The following TNRC6C variants were observed in gnomAD, a reference collection of about 807,000 sequenced individuals.
The protein encoded by TNRC6C is trinucleotide repeat containing adaptor 6C, also known as trinucleotide repeat-containing gene 6C protein.
In TNRC6C, 20 loss-of-function variants were observed where a neutral mutation model predicts 153.7. That is an observed-to-expected ratio of 0.13 (90% confidence interval 0.09 to 0.19). The LOEUF is 0.19. Among genes scored for constraint, TNRC6C ranks in the 10% least tolerant of loss-of-function variants. The pLI, the probability that TNRC6C is intolerant of heterozygous loss-of-function variation, is 1.00. For missense variants in TNRC6C, 1,987 were observed against 2,172.0 expected (o/e 0.91, Z 1.69); for synonymous variants, 811 against 841.4 (o/e 0.96, Z 0.63).
chr17:78,051,416 C>G lies in TNRC6C; in HGVS notation c.2354C>G (p.Thr785Ser), dbSNP rs1463741357. ...ACGCCGCCCCCGCACCAGGCCGGTA[C>G]TCAGCTGAATCGATCACCGTTGCTT... Residue 785 changes from threonine to serine, a missense_variant, in exon 3 of 20, where the codon ACT becomes AGT. Around this residue, in one of 4 missense-constraint regions of TNRC6C, gnomAD observed 1,052 missense variants for 1,017.0 expected, o/e 1.03. Transcript: ENST00000301624. The G allele has an allele frequency of 1.9e-6, 3 of 1,544,800 alleles. No homozygotes were observed. In the Admixed American group the frequency reaches 6.0e-5, roughly 31 times the overall value.
At chr17:78,092,468 ATT>A (rs2073410555) in intron 14 of TNRC6C, among the ~76,000 whole-genome samples, 1 of 152,224 alleles carries the variant, frequency 6.6e-6, no homozygotes, top group Non-Finnish European at 1.5e-5. Flanking sequence ...CCCCAAAAAG[ATT>A]TATTAAGGGC....
intron 1 of TNRC6C, among the ~76,000 whole-genome samples, chr17:78,016,192 C>T (rs1005319705): frequency 2.0e-5 from 3 of 152,282 alleles, no homozygotes; most frequent in Admixed American, 6.5e-5. Flanking sequence ...GTGCCACTGC[C>T]GCAGACCAGG....
At chr17:78,098,029 G>A (rs532227002) in intron 16 of TNRC6C, among the ~76,000 whole-genome samples, 168 bp downstream of exon 19, 8 of 152,338 alleles carry the variant, frequency 5.3e-5, no homozygotes, top group South Asian at 2.1e-4. Flanking sequence ...CAGTGGGCAC[G>A]CTGGGCACAT....
At chr17:78,051,725 T>C (rs895423615) in intron 3 of TNRC6C, among the ~76,000 whole-genome samples, 8 of 150,934 alleles carry the variant, frequency 5.3e-5, no homozygotes, top group Non-Finnish European at 8.9e-5. Flanking sequence ...TGGCCTGGGG[T>C]GGAGATGATG....
At position 77,959,886 on chromosome 17, in the gene TNRC6C, C is replaced by G. The variant is rs546313681; in HGVS notation, c.-38+618C>G. On this transcript the variant is annotated intron_variant, in intron 1 of 22. Coordinates refer to the TNRC6C transcript ENST00000636222. ...GCTTTAAGCGGTGCCTCCTTTGCACCTTTACCTTGAGGACGAGATTTAATT... is the reference window on the plus strand; with the variant it reads ...GCTTTAAGCGGTGCCTCCTTTGCACGTTTACCTTGAGGACGAGATTTAATT... Among the ~76,000 whole-genome samples, 316 of 152,290 alleles carry G rather than the reference C, an allele frequency of 2.1e-3. 4 individuals are homozygous for G. Among genetic ancestry groups the G allele is most frequent in the African/African-American group, 6.9e-3 (288 of 41,544 alleles).
intron 1 of TNRC6C, among the ~76,000 whole-genome samples, chr17:77,997,663 T>A (rs2071348972): frequency 6.6e-6 from 1 of 152,038 alleles, no homozygotes; most frequent in Non-Finnish European, 1.5e-5. Flanking sequence ...TGTTTTTTTT[T>A]TTTATTTTTT....
exon 20 of TNRC6C, chr17:78,106,077 T>C (rs1189555543): frequency 6.6e-6 from 1 of 151,688 alleles, no homozygotes; most frequent in Non-Finnish European, 1.5e-5. Flanking sequence ...AAACTGTTGT[T>C]GAACTGTGGC....
At chr17:78,020,965 C>G (rs2071820905) in intron 1 of TNRC6C, among the ~76,000 whole-genome samples, 1 of 152,204 alleles carries the variant, frequency 6.6e-6, no homozygotes, top group Non-Finnish European at 1.5e-5. Context: ...CTTTATTTCC[C>G]CAGTTCATTG....
intron 1 of TNRC6C, among the ~76,000 whole-genome samples, chr17:77,981,832 A>G (rs1430727871): frequency 6.6e-6 from 1 of 152,240 alleles, no homozygotes; most frequent in African/African-American, 2.4e-5. Flanking sequence ...AGTAGCTGCT[A>G]CAGAGACATT....
intron 3 of TNRC6C, among the ~76,000 whole-genome samples, chr17:78,053,446 A>G (rs1469289003): frequency 6.6e-6 from 1 of 152,060 alleles, no homozygotes; most frequent in South Asian, 2.1e-4. Context: ...CCTGACCAAC[A>G]AGGTGAAACC....
intron 3 of TNRC6C, among the ~76,000 whole-genome samples, chr17:78,053,859 C>T (rs948712510): frequency 2.6e-5 from 4 of 152,160 alleles, no homozygotes; most frequent in African/African-American, 7.2e-5. Context: ...TAACGAGACC[C>T]CATTTCTTTA....
intron 6 of TNRC6C, among the ~76,000 whole-genome samples, chr17:78,071,389 A>G (rs2072993185): frequency 6.6e-6 from 1 of 152,098 alleles, no homozygotes; most frequent in Admixed American, 6.5e-5. Flanking sequence ...TCTATCAAAA[A>G]GGGTGTGAGA....
chr17:78,050,249 G>A, exon 3 of TNRC6C: 1 of 1,541,392 alleles, frequency 6.5e-7, no homozygotes, highest in Non-Finnish European at 8.7e-7. Flanking sequence ...ACTACAGCAA[G>A]TGAAGGAAGT....
chr17:78,096,361 C>T (rs556594366), intron 16 of TNRC6C, among the ~76,000 whole-genome samples: 79 of 152,304 alleles, frequency 5.2e-4, no homozygotes, highest in East Asian at 4.2e-3. Context: ...CACACCCCCA[C>T]GACGCACAGT....
At chr17:78,098,885 C>G (rs768696389) in intron 17 of TNRC6C, among the ~76,000 whole-genome samples, 2 of 152,232 alleles carry the variant, frequency 1.3e-5, no homozygotes, top group East Asian at 3.8e-4. Flanking sequence ...GCTTTAGGCT[C>G]TCTGCCCCCA....
Position 78,098,267 on chromosome 17 carries a change from G to A in TNRC6C, c.4307-76G>A, listed in dbSNP as rs547808797. 1.6e-5 allele frequency: 22 copies of A among 1,400,760 alleles called. No homozygotes were observed. In the African/African-American group the frequency reaches 2.4e-4, roughly 16 times the overall value. The allele number at this position is 1,400,760 out of a possible 1,614,324, so 86.8% of individuals were successfully genotyped here. Reference sequence around the variant, plus strand: ...CTGCTGGTGTTAGAGAGCACTCTGTGTGGCTCCCCAAACACAGCAGTGAGT... The same window carrying A: ...CTGCTGGTGTTAGAGAGCACTCTGTATGGCTCCCCAAACACAGCAGTGAGT... On this transcript the variant is annotated intron_variant, in intron 16 of 19. Coordinates refer to ENST00000301624, the Ensembl canonical transcript of TNRC6C.
At chr17:78,011,662 A>G (rs2071634036) in intron 1 of TNRC6C, among the ~76,000 whole-genome samples, 1 of 152,206 alleles carries the variant, frequency 6.6e-6, no homozygotes, top group Non-Finnish European at 1.5e-5. Context: ...CAAGTCTTAT[A>G]TGGCTATATA....
At chr17:78,105,616 T>G (rs1210478305) in exon 20 of TNRC6C, 1 of 151,602 alleles carries the variant, frequency 6.6e-6, no homozygotes, top group Non-Finnish European at 1.5e-5. Context: ...TGTGTGTATG[T>G]GTGCGTGTTG....
At chr17:78,087,639 CTT>C (rs2073320935) in intron 13 of TNRC6C, among the ~76,000 whole-genome samples, 2 of 152,280 alleles carry the variant, frequency 1.3e-5, no homozygotes, top group South Asian at 4.1e-4. Context: ...ACAGAGAAGA[CTT>C]TATAATGGTT....
Sources: gnomAD v4.1 joint callset for allele counts (sites outside exome capture counted in the v4.1 genomes callset) on GRCh38, gnomAD v4.1.1 for gene constraint, gnomAD v4.1.1 regional missense constraint, MANE v1.5 for transcripts, NCBI Gene and HGNC (gene_info 2026-07-23, HGNC 2026-07-21) for gene names.